The following ELOC variants were observed in gnomAD, a reference collection of about 807,000 sequenced individuals.
ELOC encodes elongin C, also known as elongin-C.
For missense variants in ELOC, 38 were observed against 139.0 expected, an observed-to-expected ratio of 0.27 and a Z score of 3.65; for synonymous variants, 40 against 51.3, an observed-to-expected ratio of 0.78 and a Z score of 0.94.
chr8:73,954,311 T>A (rs1586599580), intron 3 of ELOC, among the ~76,000 whole-genome samples: 1 of 152,222 alleles, frequency 6.6e-6, no homozygotes, highest in South Asian at 2.1e-4. Context: ...TTGTACACTT[T>A]AAAACAGCTG....
intron 1 of ELOC, 83 bp from the exon 2 acceptor site, chr8:73,959,901 A>G: frequency 1.5e-6 from 1 of 668,006 alleles, no homozygotes; most frequent in African/African-American, 1.9e-5. Context: ...CCTTGGTGTT[A>G]AAAGTTTAAG....
At chr8:73,965,458 G>C (rs905476180) in intron 1 of ELOC, among the ~76,000 whole-genome samples, 2 of 152,160 alleles carry the variant, frequency 1.3e-5, no homozygotes, top group African/African-American at 4.8e-5. Flanking sequence ...CACAAAAAGG[G>C]ATGATCTACT....
intron 1 of ELOC, chr8:73,964,684 T>C (rs930517264): frequency 6.6e-6 from 1 of 151,822 alleles, no homozygotes; most frequent in Non-Finnish European, 1.5e-5. Context: ...AAATTGTAAA[T>C]GAAAAACTTG....
At chr8:73,950,682 G>A (rs1348129303) in intron 3 of ELOC, among the ~76,000 whole-genome samples, 1 of 152,170 alleles carries the variant, frequency 6.6e-6, no homozygotes, top group African/African-American at 2.4e-5. Flanking sequence ...AGACATGATA[G>A]AACAGGAATA....
intron 2 of ELOC, among the ~76,000 whole-genome samples, chr8:73,959,134 C>T (rs1814416526): frequency 6.6e-6 from 1 of 152,146 alleles, no homozygotes; most frequent in Non-Finnish European, 1.5e-5. Context: ...GGAAATTGCT[C>T]TGTGTGAGTT....
Position 73,971,402 on chromosome 8 carries a change from C to T in ELOC, c.-51+675G>A, listed in dbSNP as rs547372558. Among the ~76,000 whole-genome samples the T allele has an allele frequency of 9.2e-5, 14 of 152,240 alleles. No individual in the cohort carries two copies. In the South Asian group the frequency reaches 2.5e-3, roughly 27 times the overall value. ...GGCAACAAGAGCAAGTCTGTCTCCC[C>T]CGGCCCCTTAAAAAAGAATTTCGGT... is the stretch of plus-strand genomic sequence containing the variant. On this transcript the variant is annotated intron_variant, in intron 1 of 3. Transcript: ENST00000520242.
intron 3 of ELOC, among the ~76,000 whole-genome samples, chr8:73,948,834 CACAAGCAAGCAAGCAAGCAAGCAA>C (rs1813560091): frequency 7.6e-6 from 1 of 131,954 alleles, no homozygotes; most frequent in African/African-American, 3.2e-5. Context: ...CCCTGTCACT[CACAAGCAAGCAAGCAAGCAAGCAA>C]GCAAGCAAGC....
At chr8:73,966,468 A>C (rs1423505845) in intron 1 of ELOC, among the ~76,000 whole-genome samples, 1 of 148,934 alleles carries the variant, frequency 6.7e-6, no homozygotes, top group Non-Finnish European at 1.5e-5. Flanking sequence ...ACATACTGAG[A>C]TACTGACCAA....
intron 3 of ELOC, 101 bp downstream of exon 3, chr8:73,955,810 G>T (rs946083060): frequency 2.4e-6 from 3 of 1,257,796 alleles, no homozygotes; most frequent in Non-Finnish European, 3.4e-6. Context: ...AATGTTAGAA[G>T]ACTTATTTTC....
At chr8:73,971,038 A>AAAAAAT (rs1317400775) in intron 1 of ELOC, among the ~76,000 whole-genome samples, 2 of 150,522 alleles carry the variant, frequency 1.3e-5, no homozygotes, top group Admixed American at 1.3e-4. Context: ...GTCTCAAAAA[A>AAAAAAT]AAAAAAAAAA....
At chr8:73,971,030 C>G (rs138180872) in intron 1 of ELOC, among the ~76,000 whole-genome samples, 2,171 of 53,036 alleles carry the variant, frequency 0.041, 26 homozygotes, top group Non-Finnish European at 0.06. Flanking sequence ...GAGACTCCGT[C>G]TCAAAAAAAA....
intron 1 of ELOC, among the ~76,000 whole-genome samples, chr8:73,964,246 CAAAA>C (rs560289242): frequency 3.7e-5 from 3 of 82,010 alleles, no homozygotes; most frequent in Non-Finnish European, 5.5e-5. Context: ...TATAAATGGC[CAAAA>C]AAAAAAAAAA....
intron 3 of ELOC, 43 bp from the exon 4 acceptor site, chr8:73,946,863 T>C: frequency 6.6e-7 from 1 of 1,526,318 alleles, no homozygotes; most frequent in African/African-American, 1.4e-5. Flanking sequence ...CTGAATTGTG[T>C]CCTCCAAATT....
intron 3 of ELOC, among the ~76,000 whole-genome samples, chr8:73,948,139 C>T (rs1230621120): frequency 6.6e-6 from 1 of 151,432 alleles, no homozygotes; most frequent in Non-Finnish European, 1.5e-5. Context: ...TTGCAGTGAG[C>T]CAAGATTGTG....
At chr8:73,971,082 AAAAGTGAG>A (rs2131212745) in intron 1 of ELOC, among the ~76,000 whole-genome samples, 1 of 151,496 alleles carries the variant, frequency 6.6e-6, no homozygotes, top group South Asian at 2.1e-4. Context: ...ATGGCAGTTA[AAAAGTGAG>A]AAAGTGAGGT....
intron 3 of ELOC, among the ~76,000 whole-genome samples, chr8:73,953,857 T>C (rs567410236): frequency 6.6e-6 from 1 of 152,210 alleles, no homozygotes; most frequent in South Asian, 2.1e-4. Flanking sequence ...CCAAAAGAAC[T>C]CAAAGCAGGT....
chr8:73,971,600 C>A (rs988153893), intron 1 of ELOC, among the ~76,000 whole-genome samples: 1 of 151,908 alleles, frequency 6.6e-6, no homozygotes, highest in Non-Finnish European at 1.5e-5. Flanking sequence ...ATGCACGATA[C>A]CCCCAACTCA....
At chr8:73,971,627 A>G (rs886561982) in intron 1 of ELOC, among the ~76,000 whole-genome samples, 1 of 152,086 alleles carries the variant, frequency 6.6e-6, no homozygotes, top group Non-Finnish European at 1.5e-5. Flanking sequence ...CGAGCATAGA[A>G]TCACCCAACA....
intron 1 of ELOC, among the ~76,000 whole-genome samples, chr8:73,969,904 G>C (rs1815239798): frequency 6.6e-6 from 1 of 152,164 alleles, no homozygotes; most frequent in Non-Finnish European, 1.5e-5. Context: ...TGAAATTCAG[G>C]CATTACTGGA....
Sources: gnomAD v4.1 joint callset for allele counts (sites outside exome capture counted in the v4.1 genomes callset) on GRCh38, gnomAD v4.1.1 for gene constraint, MANE v1.5 for transcripts, NCBI Gene and HGNC (gene_info 2026-07-23, HGNC 2026-07-21) for gene names.